The following WASHC5 variants were observed in gnomAD, a reference collection of about 807,000 sequenced individuals.
The protein encoded by WASHC5 is WASH complex subunit strumpellin.
A neutral mutation model predicts 150.4 loss-of-function variants in WASHC5; 101 were observed. That is an observed-to-expected ratio of 0.67 (90% CI 0.57 to 0.79). WASHC5 has a LOEUF of 0.79. Among genes scored for constraint, WASHC5 ranks in the 30% least tolerant of loss-of-function variants. The probability of loss-of-function intolerance (pLI) is 0.00; values close to 1 mark genes in which losing one functional copy is unlikely to be tolerated. For synonymous variants in WASHC5, 467 were observed against 491.2 expected (o/e 0.95, Z 0.65); for missense variants, 1,195 against 1,396.3 (o/e 0.86, Z 2.30).
rs886062654 is a variant in WASHC5, at chr8:125,063,590, G to T, written c.1340C>A (p.Ser447Ter). ...TKWEHYKKEGSERMTELADVF... is the reference protein window; with the variant it reads ...TKWEHYKKEG ...ATCAGCAAGCTCAGTCATCCGCTCC[G>T]AACCCTCTTTCTTGTAATGCTCCCA... Residue 447 changes from serine (S) to a stop codon, truncating the protein, a stop_gained, in exon 11 of 29, where the codon TCG (serine) becomes TAG (stop). Coordinates refer to ENST00000318410, the MANE Select transcript of WASHC5 (RefSeq NM_014846.4). LOFTEE classifies it high-confidence loss of function. 6.2e-7 allele frequency: 1 copy of T among 1,613,650 alleles called. No homozygotes were observed. Among genetic ancestry groups the T allele is most frequent in the East Asian group, 2.2e-5 (1 of 44,874 alleles).
intron 1 of WASHC5, among the ~76,000 whole-genome samples, chr8:125,087,803 T>C (rs1586395104): frequency 6.6e-6 from 1 of 151,748 alleles, no homozygotes; most frequent in South Asian, 2.1e-4. Context: ...ATAGTTCATA[T>C]CTGAAAAATG....
chr8:125,047,983 C>T (rs1408530038), intron 19 of WASHC5, among the ~76,000 whole-genome samples: 3 of 152,284 alleles, frequency 2.0e-5, no homozygotes, highest in African/African-American at 7.2e-5. Context: ...GTAGCTGGGA[C>T]TACAGGCATG....
intron 8 of WASHC5, among the ~76,000 whole-genome samples, chr8:125,074,283 T>C (rs954609248): frequency 2.0e-5 from 3 of 152,224 alleles, no homozygotes; most frequent in African/African-American, 7.2e-5. Flanking sequence ...TTCTAGGAGA[T>C]GTGCCAACAT....
chr8:125,090,926 G>A (rs914874416), intron 1 of WASHC5, among the ~76,000 whole-genome samples: 6 of 152,194 alleles, frequency 3.9e-5, no homozygotes, highest in African/African-American at 1.4e-4. Flanking sequence ...CCTGGGAAAG[G>A]CAGGTGAAGG....
In WASHC5 at chr8:125,067,615, G is replaced by C. The variant is rs760578846; in HGVS notation, c.1255C>G (p.Gln419Glu). Residue 419 changes from glutamine (Q) to glutamate (E), a missense_variant, in exon 10 of 29, where the codon CAA becomes GAA. This residue lies in a region of WASHC5 where 997 missense variants were observed against 1,168.1 expected (regional missense o/e 0.85). Transcript: ENST00000318410. ...ILFQLLLDTA[Q>E]FEFILKEMFK... The stretch of plus-strand genomic sequence containing the variant: ...ACCTCTTTGAGTATAAACTCAAATT[G>C]TGCAGTATCTAACAGCAGCTGGAAG... 20 of 1,611,820 alleles carry C rather than the reference G, an allele frequency of 1.2e-5. No individual in the cohort carries two copies. In the South Asian group the frequency reaches 2.2e-4, roughly 18 times the overall value.
chr8:125,072,350 A>AGGGGG, intron 9 of WASHC5, among the ~76,000 whole-genome samples: 1 of 12,982 alleles, frequency 7.7e-5, no homozygotes. Flanking sequence ...AAAAAAAAAA[A>AGGGGG]GTGGGGGGGG....
intron 11 of WASHC5, among the ~76,000 whole-genome samples, chr8:125,062,529 C>T (rs1438496703): frequency 6.6e-6 from 1 of 152,146 alleles, no homozygotes; most frequent in Admixed American, 6.5e-5. Context: ...TCATTCTAGA[C>T]TTCAGGTTTC....
intron 1 of WASHC5, among the ~76,000 whole-genome samples, chr8:125,089,892 C>T (rs574448287): frequency 1.3e-5 from 2 of 152,032 alleles, no homozygotes; most frequent in Non-Finnish European, 2.9e-5. Context: ...TCTTTATTAC[C>T]TAGGTAAATC....
chr8:125,078,831 G>A lies in WASHC5; in HGVS notation c.618C>T (p.Asn206=). 6.2e-7 allele frequency: 1 copy of A among 1,613,940 alleles called. No individual in the cohort carries two copies. Among genetic ancestry groups the A allele is most frequent in the Non-Finnish European group, 8.5e-7 (1 of 1,179,864 alleles). ...SSQPGAKRPS[N]YPESYFQRVP... is the part of the protein sequence containing the mutation. ...CTCTCTGGAAATAGCTCTCGGGATA[G>A]TTGGATGGTCTTTTGGCACCTGGTT... Residue 206 remains asparagine (N), a synonymous_variant, in exon 6 of 29, where the codon AAC becomes AAT. Coordinates refer to ENST00000318410, the MANE Select transcript of WASHC5 (RefSeq NM_014846.4).
chr8:125,078,970 C>G, intron 5 of WASHC5, 40 bp from the exon 6 acceptor site: 1 of 1,541,378 alleles, frequency 6.5e-7, no homozygotes, highest in Non-Finnish European at 9.0e-7. Flanking sequence ...ACCCAAAACA[C>G]ACATATTAGA....
At chr8:125,050,778 C>A in intron 17 of WASHC5, 113 bp from the exon 18 acceptor site, 3 of 765,026 alleles carry the variant, frequency 3.9e-6, no homozygotes, top group Non-Finnish European at 6.9e-6. Context: ...TACCTCCTCA[C>A]TAAATGATTT....
chr8:125,024,453 C>T lies in WASHC5; in HGVS notation c.*164G>A. On this transcript the variant is annotated 3_prime_UTR_variant, in exon 29 of 29. Coordinates refer to ENST00000318410, the MANE Select transcript of WASHC5 (RefSeq NM_014846.4). The stretch of plus-strand genomic sequence containing the variant: ...ATTTAAACAATATCAGTTATATTAA[C>T]TAATGCCATGAGATATATCTTACTC... 3.0e-6 allele frequency: 2 copies of T among 671,260 alleles called. No homozygotes were observed. Among genetic ancestry groups the T allele is most frequent in the Non-Finnish European group, 5.5e-6 (2 of 365,980 alleles). 41.6% of individuals were successfully genotyped at this position (671,260 alleles called of 1,614,324 possible).
chr8:125,085,487 G>A (rs138093168), intron 1 of WASHC5, among the ~76,000 whole-genome samples: 1,524 of 152,312 alleles, frequency 0.01, 24 homozygotes, highest in Middle Eastern at 0.027. Flanking sequence ...AGAGAACAGA[G>A]AGAGAAGCGG....
intron 20 of WASHC5, among the ~76,000 whole-genome samples, chr8:125,045,589 GA>G (rs1816041978): frequency 6.6e-6 from 1 of 152,218 alleles, no homozygotes; most frequent in African/African-American, 2.4e-5. Context: ...CTCCACAGAT[GA>G]CATATCCTAT....
intron 20 of WASHC5, among the ~76,000 whole-genome samples, 182 bp downstream of exon 20, chr8:125,047,025 C>T (rs761479167): frequency 1.3e-5 from 2 of 152,106 alleles, no homozygotes; most frequent in East Asian, 1.9e-4. Context: ...AGGTTCCTCA[C>T]GAGTGACAGA....
At chr8:125,080,342 C>A (rs1817213426) in intron 5 of WASHC5, among the ~76,000 whole-genome samples, 1 of 152,098 alleles carries the variant, frequency 6.6e-6, no homozygotes, top group Admixed American at 6.6e-5. Context: ...TAGGAAAGGC[C>A]ATTCAAATCT....
intron 28 of WASHC5, among the ~76,000 whole-genome samples, 163 bp from the exon 29 acceptor site, chr8:125,024,836 C>T (rs984656396): frequency 6.6e-6 from 1 of 151,810 alleles, no homozygotes; most frequent in African/African-American, 2.4e-5. Flanking sequence ...CTTGTGGTGC[C>T]CCCTAGACTA....
In WASHC5 at chr8:125,057,487, A is replaced by T. The variant is rs1816443741; in HGVS notation, c.1875+69T>A. ...CACGGATATACTTTTGGGGGGCCTA[A>T]GCATACTTTTTGTATTTAAAACAGC... is the stretch of plus-strand genomic sequence containing the variant. On this transcript the variant is annotated intron_variant, in intron 15 of 28. Transcript: ENST00000318410. 4 of 1,054,248 alleles carry T rather than the reference A, an allele frequency of 3.8e-6. No homozygotes were observed. In the East Asian group the frequency reaches 9.8e-5, roughly 26 times the overall value. The allele number at this position is 1,054,248 out of a possible 1,614,324, so 65.3% of individuals were successfully genotyped here. A position where few individuals can be genotyped will look rare whatever the true frequency, so the allele number is the denominator to read the frequency against.
At chr8:125,074,373 T>G (rs1234469868) in intron 8 of WASHC5, among the ~76,000 whole-genome samples, 1 of 152,222 alleles carries the variant, frequency 6.6e-6, no homozygotes, top group African/African-American at 2.4e-5. Context: ...CAATATTGTT[T>G]TATCCACACA....
Sources: gnomAD v4.1 joint callset for allele counts (sites outside exome capture counted in the v4.1 genomes callset) on GRCh38, gnomAD v4.1.1 for gene constraint, gnomAD v4.1.1 regional missense constraint, MANE v1.5 for transcripts, NCBI Gene and HGNC (gene_info 2026-07-23, HGNC 2026-07-21) for gene names.